ZNF185: variants seen among roughly 807,000 people sequenced by gnomAD.
ZNF185 encodes zinc finger protein 185 with LIM domain, also known as zinc finger protein 185.
ZNF185 carries 56 observed loss-of-function variants against 58.6 expected under a neutral mutation model. The observed-to-expected ratio is 0.95, with a 90% CI of 0.77 to 1.19. The LOEUF is 1.19. ZNF185 is among the 50% of genes most tolerant of loss of function. The pLI is 0.00. For synonymous variants in ZNF185, 230 were observed against 215.9 expected (o/e 1.07, Z -0.57); for missense variants, 627 against 573.5 (o/e 1.09, Z -0.95).
intron 13 of ZNF185, 82 bp downstream of exon 14, chrX:152,931,858 C>T (rs897343461): frequency 6.2e-5 from 53 of 851,534 alleles, no homozygotes; most frequent in East Asian, 4.6e-4. Flanking sequence ...CCATGGCCTC[C>T]GGTGCAATGT....
At chrX:152,943,051 C>G (rs1479665611) in intron 15 of ZNF185, among the ~76,000 whole-genome samples, 7 of 111,616 alleles carry the variant, frequency 6.3e-5, no homozygotes, top group African/African-American at 2.3e-4. Context: ...TCGCCCCAGA[C>G]TGGAGTGCAA....
chrX:152,955,229 C>T (rs1380476758), intron 16 of ZNF185, among the ~76,000 whole-genome samples: 1 of 111,980 alleles, frequency 8.9e-6, no homozygotes, highest in Non-Finnish European at 1.9e-5. Flanking sequence ...CTTCTCAGGC[C>T]GTATTTAATT....
chrX:152,954,676 T>C (rs2048639737), intron 16 of ZNF185, among the ~76,000 whole-genome samples: 1 of 112,278 alleles, frequency 8.9e-6, no homozygotes, highest in Non-Finnish European at 1.9e-5. Flanking sequence ...TCTCCCCCTG[T>C]GTTGTTCATC....
chrX:152,953,771 C>T (rs1250418977), intron 16 of ZNF185, among the ~76,000 whole-genome samples: 2 of 112,026 alleles, frequency 1.8e-5, no homozygotes, highest in Non-Finnish European at 3.8e-5. Flanking sequence ...GAGACAGAGC[C>T]TTTCTCTGTC....
intron 15 of ZNF185, among the ~76,000 whole-genome samples, chrX:152,939,119 A>T (rs1209134295): frequency 8.9e-6 from 1 of 111,991 alleles, no homozygotes; most frequent in Non-Finnish European, 1.9e-5. Context: ...TTTAAGCCAA[A>T]GGGGAGTCTC....
At position 152,936,353 on chromosome X, in the gene ZNF185, C is replaced by T. The variant is rs781928369; in HGVS notation, c.1122-1721C>T. ...CTGTGGGGGGCAGGATCCACTTTCT[C>T]GGGAGAGGGTAGACATACAGACACA... On this transcript the variant is annotated intron_variant, in intron 14 of 22. Transcript: ENST00000449285. 1.1e-4 allele frequency: 105 copies of T among 985,820 alleles called. 1 individual carries two copies. Among genetic ancestry groups the T allele is most frequent in the African/African-American group, 7.8e-4 (41 of 52,249 alleles). The allele number at this position is 985,820 out of a possible 1,213,427, so 81.2% of individuals were successfully genotyped here.
intron 16 of ZNF185, among the ~76,000 whole-genome samples, chrX:152,955,695 A>G (rs1409973779): frequency 1.8e-5 from 2 of 111,284 alleles, no homozygotes; most frequent in Non-Finnish European, 3.8e-5. Context: ...CGAGCTCAGG[A>G]GATCGAGACC....
At chrX:152,928,445 A>G (rs782456638) in intron 11 of ZNF185, 130 bp from the exon 13 acceptor site, 12 of 654,409 alleles carry the variant, frequency 1.8e-5, no homozygotes, top group Non-Finnish European at 2.8e-5. Context: ...AACAAGGCTC[A>G]AGGCCAAGGA....
the ZNF185 span, among the ~76,000 whole-genome samples, chrX:152,903,341 ACTATGCCACTGCTACTCCAGC>A: frequency 1.0e-5 from 1 of 98,478 alleles, no homozygotes. Context: ...GTGAGCCAAG[ACTATGCCACTGCTACTCCAGC>A]CTGGGTGACA....
At chrX:152,955,163 G>A (rs781905879) in intron 16 of ZNF185, among the ~76,000 whole-genome samples, 56 of 112,140 alleles carry the variant, frequency 5.0e-4, no homozygotes, top group Non-Finnish European at 9.2e-4. Flanking sequence ...TTTCAATTTT[G>A]TCTGCCTCTA....
At chrX:152,941,689 G>A (rs892091266) in intron 15 of ZNF185, 5 of 1,163,277 alleles carry the variant, frequency 4.3e-6, no homozygotes, top group Non-Finnish European at 5.7e-6. Context: ...CCGGGAAAAT[G>A]CGACCGTCCA....
At chrX:152,963,242 G>T (rs145742526) in intron 17 of ZNF185, among the ~76,000 whole-genome samples, 1,136 of 113,130 alleles carry the variant, frequency 0.01, 25 homozygotes, top group African/African-American at 0.035. Context: ...TTGGGCTGCC[G>T]AGGAGGTTGG....
Position 152,919,693 on chromosome X carries a change from C to T in ZNF185, c.530+612C>T, listed in dbSNP as rs181202715. Among the ~76,000 whole-genome samples, 4 of 112,611 alleles carry T rather than the reference C, an allele frequency of 3.6e-5. No homozygotes were observed. In the East Asian group the frequency reaches 1.1e-3, roughly 32 times the overall value. ...TATGACAGGAAGGGTTTGTTAAGCA[C>T]CTTTTGTATGCCTTTGGCTTGGGGC... On this transcript the variant is annotated intron_variant, in intron 7 of 22. Coordinates refer to ENST00000449285, the Ensembl canonical transcript of ZNF185.
chrX:152,945,220 G>T, intron 15 of ZNF185, 47 bp from the exon 18 acceptor site: 1 of 1,156,769 alleles, frequency 8.6e-7, no homozygotes, highest in South Asian at 2.0e-5. Context: ...CTGAGGCAGG[G>T]TTAGTTTCAG....
In ZNF185 at chrX:152,917,166, T is replaced by C. The variant is rs782493249; in HGVS notation, c.260T>C (p.Ile87Thr). The C allele has an allele frequency of 9.1e-6, 11 of 1,211,268 alleles. 1 individual carries two copies. Among genetic ancestry groups the C allele is most frequent in the South Asian group, 1.8e-5 (1 of 56,986 alleles). The change falls in exon 4 of 23, where the codon ATC becomes ACC. Residue 87 changes from isoleucine (I) to threonine (T), a missense_variant. Coordinates refer to ENST00000449285, the Ensembl canonical transcript of ZNF185. ...ACAAGGGCTCCCACTGGCTACATCA[T>C]CCGGTAAGTGACCGCAGGACTCTGC...
intron 16 of ZNF185, among the ~76,000 whole-genome samples, chrX:152,958,365 C>T (rs1425520293): frequency 8.1e-5 from 9 of 111,238 alleles, no homozygotes; most frequent in African/African-American, 2.6e-4. Flanking sequence ...TAGCAGGAGT[C>T]ACCTGATCAG....
chrX:152,910,244 C>T (rs1556860797), upstream of ZNF185, among the ~76,000 whole-genome samples: 1 of 111,887 alleles, frequency 8.9e-6, no homozygotes, highest in African/African-American at 3.3e-5. Flanking sequence ...CTTGGCTGCT[C>T]AAGCATACTC....
intron 11 of ZNF185, among the ~76,000 whole-genome samples, chrX:152,923,145 G>T (rs1894356): frequency 0.21 from 23,362 of 111,121 alleles, 1,834 homozygotes; most frequent in South Asian, 0.29. Context: ...TCAAATCTAG[G>T]TCTCCTAAGA....
chrX:152,899,544 G>A, the ZNF185 span, among the ~76,000 whole-genome samples: 15,642 of 112,505 alleles, frequency 0.14, 802 homozygotes, highest in African/African-American at 0.15. Context: ...TGGATGCTGT[G>A]CATTCAGCCG....
Sources: allele counts gnomAD v4.1 joint callset (sites outside exome capture counted in the v4.1 genomes callset), GRCh38; gene constraint gnomAD v4.1.1; transcripts MANE v1.5; gene names NCBI Gene and HGNC (gene_info 2026-07-23, HGNC 2026-07-21).